The following AGBL4 variants were observed in gnomAD, a reference collection of about 807,000 sequenced individuals.
The protein encoded by AGBL4 is cytosolic carboxypeptidase 6.
A neutral mutation model predicts 66.4 loss-of-function variants in AGBL4; 58 were observed. The observed-to-expected ratio is 0.87, with a 90% CI of 0.71 to 1.09. AGBL4 has a LOEUF of 1.09. Ranked by LOEUF, AGBL4 falls within the 50% of genes least tolerant of loss-of-function variation. AGBL4 has a pLI of 0.00. For synonymous variants in AGBL4, 234 were observed against 222.9 expected (o/e 1.05, Z -0.44); for missense variants, 579 against 631.0 (o/e 0.92, Z 0.88).
intron 6 of AGBL4, among the ~76,000 whole-genome samples, chr1:48,666,455 T>C (rs1478191675): frequency 6.6e-6 from 1 of 152,210 alleles, no homozygotes; most frequent in Non-Finnish European, 1.5e-5. Flanking sequence ...ACTGGGCAGC[T>C]ACACCTGGCT....
chr1:49,239,171 AC>A (rs1334390267), intron 4 of AGBL4, among the ~76,000 whole-genome samples: 9 of 152,204 alleles, frequency 5.9e-5, no homozygotes, highest in Non-Finnish European at 8.8e-5. Context: ...ATAAAAAAAA[AC>A]ATAGATCATT....
chr1:49,140,680 A>G (rs951796000), intron 4 of AGBL4, among the ~76,000 whole-genome samples: 5 of 152,244 alleles, frequency 3.3e-5, no homozygotes, highest in Non-Finnish European at 7.3e-5. Context: ...CTCAAGTTAC[A>G]GGAGATAAGG....
chr1:48,631,701 A>G lies in AGBL4; in HGVS notation c.951+2792T>C, dbSNP rs371156419. Among the ~76,000 whole-genome samples the G allele has an allele frequency of 2.6e-5, 4 of 152,258 alleles. No homozygotes were observed. The East Asian group carries it at 7.7e-4, about 29-fold the overall frequency. The stretch of plus-strand genomic sequence containing the variant: ...GAGCCACCGCATCTGGCCTCGCATC[A>G]TTTTTAATAGACAGAGTGTACAATT... On this transcript the variant is annotated intron_variant, in intron 9 of 13. Coordinates refer to ENST00000371839, the MANE Select transcript of AGBL4 (RefSeq NM_032785.4).
At chr1:49,000,059 C>T (rs1022965386) in intron 5 of AGBL4, among the ~76,000 whole-genome samples, 1 of 152,134 alleles carries the variant, frequency 6.6e-6, no homozygotes, top group Non-Finnish European at 1.5e-5. Context: ...TTATTACTAT[C>T]CCTTACTATG....
intron 1 of AGBL4, among the ~76,000 whole-genome samples, chr1:49,868,970 T>C (rs898651805): frequency 3.9e-5 from 6 of 152,004 alleles, no homozygotes; most frequent in African/African-American, 1.4e-4. Context: ...TCTCAAGACA[T>C]TTATGTAGCC....
intron 1 of AGBL4, among the ~76,000 whole-genome samples, chr1:49,938,400 C>T (rs1571912389): frequency 2.0e-5 from 3 of 152,080 alleles, no homozygotes; most frequent in Admixed American, 6.6e-5. Flanking sequence ...GATTCACAGC[C>T]GAATTCTACC....
chr1:48,726,976 C>G (rs1647315722), intron 6 of AGBL4, among the ~76,000 whole-genome samples: 1 of 152,188 alleles, frequency 6.6e-6, no homozygotes, highest in African/African-American at 2.4e-5. Context: ...AAGCCCTTGC[C>G]CTTTCTAATA....
At chr1:49,132,427 G>C (rs963381590) in intron 4 of AGBL4, among the ~76,000 whole-genome samples, 1 of 152,022 alleles carries the variant, frequency 6.6e-6, no homozygotes, top group African/African-American at 2.4e-5. Flanking sequence ...TCAGTGTCTG[G>C]GTAAAACTTT....
intron 3 of AGBL4, among the ~76,000 whole-genome samples, chr1:49,659,078 A>C (rs1646215844): frequency 6.6e-6 from 1 of 152,194 alleles, no homozygotes; most frequent in African/African-American, 2.4e-5. Flanking sequence ...TCATAAACAA[A>C]GGAGAAATAA....
intron 3 of AGBL4, among the ~76,000 whole-genome samples, chr1:49,519,656 ACT>A (rs1650100438): frequency 6.6e-6 from 1 of 152,180 alleles, no homozygotes; most frequent in Admixed American, 6.5e-5. Context: ...TGAGGCAAAT[ACT>A]CTACCTTGAT....
chr1:48,727,754 C>G, intron 6 of AGBL4: 1 of 812,886 alleles, frequency 1.2e-6, no homozygotes, highest in Non-Finnish European at 1.9e-6. Flanking sequence ...GAACAAGCCG[C>G]TGACCCCAGA....
intron 6 of AGBL4, among the ~76,000 whole-genome samples, chr1:48,846,385 G>T (rs571933974): frequency 6.7e-5 from 10 of 148,908 alleles, no homozygotes; most frequent in African/African-American, 2.2e-4. Flanking sequence ...AAGAAAGAAA[G>T]AAAGAAAGAA....
chr1:49,441,012 G>A (rs1646016699), intron 3 of AGBL4, among the ~76,000 whole-genome samples: 2 of 152,206 alleles, frequency 1.3e-5, no homozygotes, highest in South Asian at 4.2e-4. Context: ...ACCCTGTGCT[G>A]CCTGAGGCAA....
chr1:49,083,100 A>T (rs1319928236), intron 4 of AGBL4, among the ~76,000 whole-genome samples: 1 of 152,170 alleles, frequency 6.6e-6, no homozygotes, highest in Non-Finnish European at 1.5e-5. Flanking sequence ...TTTGTAGTGT[A>T]CAGCCACCCT....
intron 6 of AGBL4, among the ~76,000 whole-genome samples, chr1:48,777,557 GGTCA>G (rs1395120619): frequency 6.6e-6 from 1 of 152,076 alleles, no homozygotes; most frequent in African/African-American, 2.4e-5. Context: ...CTGTGGAAAG[GGTCA>G]GTCAGACAGA....
intron 3 of AGBL4, among the ~76,000 whole-genome samples, chr1:49,328,210 A>C (rs1191618829): frequency 6.6e-6 from 1 of 152,186 alleles, no homozygotes; most frequent in East Asian, 1.9e-4. Flanking sequence ...ATTAAAAATA[A>C]AAAAAGGCAA....
chr1:48,936,165 C>T (rs6687028), intron 5 of AGBL4, among the ~76,000 whole-genome samples: 11,976 of 150,992 alleles, frequency 0.079, 614 homozygotes, highest in Non-Finnish European at 0.11. Flanking sequence ...TGGTGCATGC[C>T]TGTAGTCCCA....
chr1:49,275,714 C>G (rs1002771720), intron 3 of AGBL4, among the ~76,000 whole-genome samples: 3 of 152,110 alleles, frequency 2.0e-5, no homozygotes, highest in Non-Finnish European at 4.4e-5. Context: ...CTATAATTTA[C>G]ACTGTATCCT....
At chr1:49,537,885 C>T (rs561161194) in intron 3 of AGBL4, among the ~76,000 whole-genome samples, 3 of 151,902 alleles carry the variant, frequency 2.0e-5, no homozygotes, top group African/African-American at 7.2e-5. Flanking sequence ...CAAGAAAGCG[C>T]CACTGCACTC....
Sources: gnomAD v4.1 joint callset for allele counts (sites outside exome capture counted in the v4.1 genomes callset) on GRCh38, gnomAD v4.1.1 for gene constraint, MANE v1.5 for transcripts, NCBI Gene and HGNC (gene_info 2026-07-23, HGNC 2026-07-21) for gene names.